CTDSP2: variants seen among roughly 807,000 people sequenced by gnomAD.
The protein encoded by CTDSP2 is carboxy-terminal domain RNA polymerase II polypeptide A small phosphatase 2.
A neutral mutation model predicts 31.6 loss-of-function variants in CTDSP2; 9 were observed. The observed-to-expected ratio is 0.28, with a 90% CI of 0.17 to 0.50. CTDSP2 has a LOEUF of 0.50. Ranked by LOEUF, CTDSP2 falls within the 20% of genes least tolerant of loss-of-function variation. The pLI, the probability that CTDSP2 is intolerant of heterozygous loss-of-function variation, is 0.98. For synonymous variants in CTDSP2, 134 were observed against 134.5 expected, an observed-to-expected ratio of 1.00 and a Z score of 0.03; for missense variants, 267 against 348.5, an observed-to-expected ratio of 0.77 and a Z score of 1.86.
chr12:57,846,478 G>A lies in CTDSP2; in HGVS notation c.-43C>T. On this transcript the variant is annotated 5_prime_UTR_variant, in exon 1 of 8. Coordinates refer to ENST00000398073, the MANE Select transcript of CTDSP2 (RefSeq NM_005730.4). ...CCGGGCTGGCTGGGCGGGAGGACGGGCGGGCGCGCGGGCTGGGCTGGGCTG... is the reference window on the plus strand; with the variant it reads ...CCGGGCTGGCTGGGCGGGAGGACGGACGGGCGCGCGGGCTGGGCTGGGCTG... The A allele has an allele frequency of 6.6e-7, 1 of 1,518,962 alleles. No homozygotes were observed. Among genetic ancestry groups the A allele is most frequent in the Non-Finnish European group, 8.9e-7 (1 of 1,129,342 alleles). 94.1% of individuals were successfully genotyped at this position (1,518,962 alleles called of 1,614,324 possible). A position where few individuals can be genotyped will look rare whatever the true frequency, so the allele number is the denominator to read the frequency against.
chr12:57,836,796 C>A (rs1413513173), intron 1 of CTDSP2, among the ~76,000 whole-genome samples: 1 of 152,190 alleles, frequency 6.6e-6, no homozygotes, highest in East Asian at 1.9e-4. Context: ...TGTGTCCCAG[C>A]AAAGGAACTC....
Position 57,823,894 on chromosome 12 carries a change from G to T in CTDSP2, c.690+10C>A. On this transcript the variant is annotated intron_variant, in intron 7 of 7. Coordinates refer to ENST00000398073, the MANE Select transcript of CTDSP2 (RefSeq NM_005730.4). ...AATCCCTACCGTGGAGACGCATCAG[G>T]AGCACTCACTGCATTCTCGGGGTGG... The T allele has an allele frequency of 6.2e-7, 1 of 1,613,806 alleles. No individual in the cohort carries two copies. Among genetic ancestry groups the T allele is most frequent in the Non-Finnish European group, 8.5e-7 (1 of 1,179,912 alleles).
Position 57,830,358 on chromosome 12 carries a change from C to T in CTDSP2, c.65-762G>A, listed in dbSNP as rs540982800. Among the ~76,000 whole-genome samples the T allele has an allele frequency of 2.0e-5, 3 of 151,840 alleles. No homozygotes were observed. The South Asian group carries it at 6.2e-4, about 31-fold the overall frequency. On this transcript the variant is annotated intron_variant, in intron 1 of 7. Coordinates refer to ENST00000398073, the MANE Select transcript of CTDSP2 (RefSeq NM_005730.4). ...CAAGATCGCGCCACTGCACTCCAGC[C>T]TGGATGACAGAGTGAGACTCCGTCT...
intron 5 of CTDSP2, among the ~76,000 whole-genome samples, chr12:57,825,144 G>A (rs947587620): frequency 2.0e-5 from 3 of 151,980 alleles, no homozygotes; most frequent in Non-Finnish European, 2.9e-5. Flanking sequence ...TGTAAGCCAC[G>A]GCACCTGACT....
chr12:57,841,893 T>C (rs115816753), intron 1 of CTDSP2, among the ~76,000 whole-genome samples: 3,557 of 152,296 alleles, frequency 0.023, 90 homozygotes, highest in African/African-American at 0.065. Context: ...TACTACTTTA[T>C]AGATAAGTTA....
rs1490077349 is a variant in CTDSP2, at chr12:57,822,799, CTG to C, written c.*801_*802del. ...TCAGAAACAAACCAGGCCCAACACT[CTG>C]TGTTTAGAAAGAGAATTTTAAAACA... On this transcript the variant is annotated 3_prime_UTR_variant, in exon 8 of 8. Transcript: ENST00000398073. The C allele has an allele frequency of 7.2e-5, 11 of 152,482 alleles. No individual in the cohort carries two copies. The highest frequency in any genetic ancestry group is 7.2e-5 in the African/African-American group (3 of 41,470). 9.4% of individuals were successfully genotyped at this position (152,482 alleles called of 1,614,324 possible). A position where few individuals can be genotyped will look rare whatever the true frequency, so the allele number is the denominator to read the frequency against.
chr12:57,844,247 A>T (rs1007304037), intron 1 of CTDSP2, among the ~76,000 whole-genome samples: 1 of 152,252 alleles, frequency 6.6e-6, no homozygotes, highest in Non-Finnish European at 1.5e-5. Context: ...CTGCTGGCTT[A>T]AACCACACAC....
intron 1 of CTDSP2, among the ~76,000 whole-genome samples, chr12:57,841,270 G>A (rs1956281112): frequency 6.6e-6 from 1 of 152,110 alleles, no homozygotes; most frequent in Non-Finnish European, 1.5e-5. Context: ...CTTTCTCAAT[G>A]TTGTACCCCA....
At position 57,820,686 on chromosome 12, in the gene CTDSP2, A is replaced by G. The variant is rs546996496; in HGVS notation, c.*2916T>C. 6.5e-6 allele frequency: 1 copy of G among 152,756 alleles called. No homozygotes were observed. Among genetic ancestry groups the G allele is most frequent in the African/African-American group, 2.4e-5 (1 of 41,558 alleles). 9.5% of individuals were successfully genotyped at this position (152,756 alleles called of 1,614,324 possible). ...AAACAGAAGGTCCCATGTTAACTGA[A>G]GGCAAATTCACTCAACCTCTCTAGT... On this transcript the variant is annotated 3_prime_UTR_variant, in exon 8 of 8. Coordinates refer to ENST00000398073, the MANE Select transcript of CTDSP2 (RefSeq NM_005730.4).
At chr12:57,828,836 A>G (rs902943729) in intron 2 of CTDSP2, among the ~76,000 whole-genome samples, 1 of 152,252 alleles carries the variant, frequency 6.6e-6, no homozygotes, top group African/African-American at 2.4e-5. Flanking sequence ...GGCTGGCCCC[A>G]CCTGTGAAAT....
At chr12:57,842,432 C>A (rs1040868194) in intron 1 of CTDSP2, 3 of 152,156 alleles carry the variant, frequency 2.0e-5, no homozygotes, top group East Asian at 1.9e-4. Context: ...AAAGGAACAC[C>A]CCCACCTCTG....
At chr12:57,827,163 T>G in intron 3 of CTDSP2, 66 bp from the exon 4 acceptor site, 1 of 1,167,578 alleles carries the variant, frequency 8.6e-7, no homozygotes, top group Non-Finnish European at 1.3e-6. Context: ...CTTGGCATAA[T>G]TATGGGAAGA....
intron 2 of CTDSP2, 47 bp downstream of exon 2, chr12:57,829,401 T>C: frequency 1.9e-6 from 3 of 1,600,570 alleles, no homozygotes; most frequent in Non-Finnish European, 2.6e-6. Context: ...GGATCTCCCA[T>C]TAACAGTCCC....
At chr12:57,842,326 CATG>C (rs1438279333) in intron 1 of CTDSP2, 1 of 152,108 alleles carries the variant, frequency 6.6e-6, no homozygotes, top group African/African-American at 2.4e-5. Flanking sequence ...TAACAAAATC[CATG>C]ATAAGGGATT....
chr12:57,846,599 A>T lies in CTDSP2; in HGVS notation c.-164T>A. Reference sequence around the variant, plus strand: ...CGTTTCCTCCCCGGACCGGGAAGGGAGGCGGCCTGTACAAAGGGCGGGCGG... The same window carrying T: ...CGTTTCCTCCCCGGACCGGGAAGGGTGGCGGCCTGTACAAAGGGCGGGCGG... On this transcript the variant is annotated 5_prime_UTR_variant, in exon 1 of 8. Transcript: ENST00000398073. 1 of 591,382 alleles carries T rather than the reference A, an allele frequency of 1.7e-6. No individual in the cohort carries two copies. The highest frequency in any genetic ancestry group is 2.7e-6 in the Non-Finnish European group (1 of 369,614). The allele number at this position is 591,382 out of a possible 1,614,324, so 36.6% of individuals were successfully genotyped here.
At chr12:57,829,682 T>C in intron 1 of CTDSP2, 86 bp from the exon 2 acceptor site, 1 of 1,260,770 alleles carries the variant, frequency 7.9e-7, no homozygotes. Context: ...GCTCTTCTAG[T>C]TTGTAAACTC....
Position 57,840,435 on chromosome 12 carries a change from T to C in CTDSP2, c.64+5937A>G, listed in dbSNP as rs141475104. Among the ~76,000 whole-genome samples the C allele has an allele frequency of 3.6e-3, 553 of 152,318 alleles. 5 individuals are homozygous for C. Among genetic ancestry groups the C allele is most frequent in the African/African-American group, 0.012 (504 of 41,570 alleles). On this transcript the variant is annotated intron_variant, in intron 1 of 7. Transcript: ENST00000398073. Reference sequence around the variant, plus strand: ...TCATGCCTAGGATCCAGTTTTCTTCTCTAGGGGTAGTTCTATGTGACGTGA... The same window carrying C: ...TCATGCCTAGGATCCAGTTTTCTTCCCTAGGGGTAGTTCTATGTGACGTGA...
chr12:57,843,963 C>A (rs1427766160), intron 1 of CTDSP2, among the ~76,000 whole-genome samples: 2 of 151,368 alleles, frequency 1.3e-5, no homozygotes, highest in African/African-American at 4.9e-5. Flanking sequence ...TTTGGGAGGC[C>A]GAAGGGGGCT....
intron 1 of CTDSP2, among the ~76,000 whole-genome samples, chr12:57,840,869 G>A (rs1447083362): frequency 1.3e-5 from 2 of 152,074 alleles, no homozygotes; most frequent in East Asian, 1.9e-4. Context: ...ATAAAACAGG[G>A]CATACACACT....
Sources: allele counts gnomAD v4.1 joint callset (sites outside exome capture counted in the v4.1 genomes callset), GRCh38; gene constraint gnomAD v4.1.1; transcripts MANE v1.5; gene names NCBI Gene and HGNC (gene_info 2026-07-23, HGNC 2026-07-21).